The following STK31 variants were observed in gnomAD, a reference collection of about 807,000 sequenced individuals.
The protein encoded by STK31 is serine/threonine kinase 31.
In STK31, 89 loss-of-function variants were observed where a neutral mutation model predicts 129.7. That is an observed-to-expected ratio of 0.69 (90% CI 0.58 to 0.82). The LOEUF (loss-of-function observed/expected upper bound fraction) is 0.82, where lower values mean the gene tolerates loss of function less well. STK31 is among the 40% of genes least tolerant of loss of function. The probability of loss-of-function intolerance (pLI) is 0.00; values close to 1 mark genes in which losing one functional copy is unlikely to be tolerated. For synonymous variants in STK31, 448 were observed against 395.3 expected, an observed-to-expected ratio of 1.13 and a Z score of -1.58; for missense variants, 1,187 against 1,176.4, an observed-to-expected ratio of 1.01 and a Z score of -0.13.
At position 23,752,719 on chromosome 7, in the gene STK31, A is replaced by G. The variant is rs1286947734; in HGVS notation, c.1020A>G (p.Gln340=). 4 of 1,606,820 alleles carry G rather than the reference A, an allele frequency of 2.5e-6. No homozygotes were observed. The Admixed American group carries it at 6.7e-5, about 27-fold the overall frequency. ...KVEQIAQELQ[Q]EKAAAVDLTN... ...AATGTGTTTATTCTTTGTTTCAGCA[A>G]GAGAAGGCAGCTGCTGTGGATTTGA... Residue 340 remains glutamine, a splice_region_variant and synonymous_variant, in exon 9 of 24, where the codon CAA becomes CAG. Transcript: ENST00000355870.
chr7:23,798,913 T>C (rs1053576632), intron 22 of STK31, among the ~76,000 whole-genome samples: 2 of 152,128 alleles, frequency 1.3e-5, no homozygotes, highest in African/African-American at 4.8e-5. Flanking sequence ...GGATACAAAA[T>C]CAGTGTGCAA....
At chr7:23,717,150 A>G (rs1786393402) in intron 3 of STK31, among the ~76,000 whole-genome samples, 1 of 104,408 alleles carries the variant, frequency 9.6e-6, no homozygotes. Flanking sequence ...TTCTGGCACC[A>G]TCAAATGTCC....
intron 15 of STK31, among the ~76,000 whole-genome samples, chr7:23,779,513 A>G (rs748052185): frequency 2.6e-5 from 4 of 152,194 alleles, no homozygotes; most frequent in East Asian, 1.9e-4. Context: ...TGGGGCTTCT[A>G]TCTTTCATTC....
chr7:23,769,498 G>C lies in STK31; in HGVS notation c.1597-142G>C, dbSNP rs553715939. ...TCCTTTCAGTGCATAAATTTTATGA[G>C]GGTAGGCACTTTTTTTTCCTGCATT... On this transcript the variant is annotated intron_variant, in intron 12 of 23. Transcript: ENST00000355870. The C allele has an allele frequency of 5.2e-4, 303 of 581,032 alleles. 3 individuals carry two copies. The East Asian group carries it at 8.2e-3, about 16-fold the overall frequency. 36.0% of individuals were successfully genotyped at this position (581,032 alleles called of 1,614,324 possible).
At chr7:23,723,445 C>T (rs1324098253) in intron 4 of STK31, among the ~76,000 whole-genome samples, 2 of 152,068 alleles carry the variant, frequency 1.3e-5, no homozygotes, top group African/African-American at 4.8e-5. Context: ...AGGTGTGAGC[C>T]ACTGTGCCTG....
intron 5 of STK31, among the ~76,000 whole-genome samples, chr7:23,727,853 C>G (rs1461703533): frequency 1.3e-5 from 2 of 151,910 alleles, no homozygotes; most frequent in Non-Finnish European, 1.5e-5. Flanking sequence ...AGCCACTGTG[C>G]CCAGCCTGCC....
intron 22 of STK31, among the ~76,000 whole-genome samples, chr7:23,792,668 AAG>A (rs1373076853): frequency 1.1e-4 from 16 of 152,324 alleles, no homozygotes; most frequent in Admixed American, 2.6e-4. Flanking sequence ...AAGTTTGAAA[AAG>A]AACAAAATTG....
chr7:23,754,032 T>A (rs146208580), intron 9 of STK31, among the ~76,000 whole-genome samples: 164 of 152,248 alleles, frequency 1.1e-3, no homozygotes, highest in African/African-American at 3.8e-3. Context: ...TTTTTATAGT[T>A]TAAAAAATTT....
chr7:23,784,419 A>T (rs563587625), intron 17 of STK31, among the ~76,000 whole-genome samples: 1 of 152,212 alleles, frequency 6.6e-6, no homozygotes, highest in South Asian at 2.1e-4. Flanking sequence ...ACTAGACTTT[A>T]AAATGATGTG....
At chr7:23,810,977 A>AT (rs1051997593) in intron 22 of STK31, among the ~76,000 whole-genome samples, 3 of 146,930 alleles carry the variant, frequency 2.0e-5, no homozygotes, top group East Asian at 3.9e-4. Context: ...ATGATGTCTT[A>AT]TTTTTTTTAA....
At chr7:23,733,344 A>C (rs1172847881) in intron 6 of STK31, among the ~76,000 whole-genome samples, 1 of 151,288 alleles carries the variant, frequency 6.6e-6, no homozygotes, top group African/African-American at 2.4e-5. Flanking sequence ...TGGGCCCAGG[A>C]GTTCAAGACC....
intron 8 of STK31, among the ~76,000 whole-genome samples, chr7:23,746,508 C>T (rs952101165): frequency 1.3e-5 from 2 of 152,148 alleles, no homozygotes; most frequent in African/African-American, 4.8e-5. Context: ...GCTCTTTTCT[C>T]AGAGGGAGGC....
chr7:23,752,843 G>T lies in STK31; in HGVS notation c.1133+11G>T, dbSNP rs767658241. 2.0e-6 allele frequency: 3 copies of T among 1,536,658 alleles called. 1 individual carries two copies. The South Asian group carries it at 3.5e-5, about 18-fold the overall frequency. On this transcript the variant is annotated intron_variant, in intron 9 of 23. Transcript: ENST00000355870. ...ACTGAAAGAAATGAGGTAGGTAAAAGCATATTTTTCAGAAGGATATTTTAA... is the reference window on the plus strand; with the variant it reads ...ACTGAAAGAAATGAGGTAGGTAAAATCATATTTTTCAGAAGGATATTTTAA...
chr7:23,744,936 G>C (rs1788258267), intron 8 of STK31, among the ~76,000 whole-genome samples: 1 of 152,218 alleles, frequency 6.6e-6, no homozygotes, highest in African/African-American at 2.4e-5. Context: ...CAGGAGTCTT[G>C]CTTGGGTGCT....
At chr7:23,817,334 A>T (rs952042702) in intron 23 of STK31, among the ~76,000 whole-genome samples, 4 of 152,320 alleles carry the variant, frequency 2.6e-5, no homozygotes, top group Non-Finnish European at 4.4e-5. Flanking sequence ...GGATTCAAGG[A>T]TTGTGGCATT....
intron 23 of STK31, among the ~76,000 whole-genome samples, chr7:23,819,464 G>T (rs368094488): frequency 6.7e-6 from 1 of 150,154 alleles, no homozygotes. Context: ...TGCCAAGGCT[G>T]AAGTGCAGGG....
At chr7:23,739,460 A>G (rs1441317074) in intron 8 of STK31, among the ~76,000 whole-genome samples, 7 of 152,216 alleles carry the variant, frequency 4.6e-5, no homozygotes, top group Non-Finnish European at 8.8e-5. Flanking sequence ...TTTGCTGTGC[A>G]GAGGCTCTTT....
At chr7:23,716,141 T>A (rs991669573) in intron 3 of STK31, among the ~76,000 whole-genome samples, 18 of 152,222 alleles carry the variant, frequency 1.2e-4, no homozygotes, top group African/African-American at 4.3e-4. Flanking sequence ...TATCCTTGGT[T>A]TCCTTTAACC....
intron 10 of STK31, among the ~76,000 whole-genome samples, chr7:23,761,048 A>G (rs973037693): frequency 6.6e-6 from 1 of 152,152 alleles, no homozygotes; most frequent in Non-Finnish European, 1.5e-5. Flanking sequence ...AAACCACACT[A>G]TTGATATTAA....
Sources: gnomAD v4.1 joint callset for allele counts (sites outside exome capture counted in the v4.1 genomes callset) on GRCh38, gnomAD v4.1.1 for gene constraint, MANE v1.5 for transcripts, NCBI Gene and HGNC (gene_info 2026-07-23, HGNC 2026-07-21) for gene names.